Variants in SLC22A3 observed in about 807,000 individuals in gnomAD.
SLC22A3 encodes the protein EMT organic cation transporter 3.
In SLC22A3, 51 loss-of-function variants were observed where a neutral mutation model predicts 59.1. The observed-to-expected ratio is 0.86, with a 90% CI of 0.69 to 1.09. SLC22A3 has a LOEUF of 1.09. SLC22A3 is among the 50% of genes least tolerant of loss of function. The pLI is 0.00. For missense variants in SLC22A3, 711 were observed against 726.3 expected, an observed-to-expected ratio of 0.98 and a Z score of 0.24; for synonymous variants, 325 against 292.0, an observed-to-expected ratio of 1.11 and a Z score of -1.15.
At chr6:160,426,095 C>T in intron 5 of SLC22A3, 1 of 985,420 alleles carries the variant, frequency 1.0e-6, no homozygotes, top group Non-Finnish European at 1.2e-6. Context: ...CCCGCAAACT[C>T]CAAAACTCAT....
At chr6:160,407,466 A>G (rs1024583143) in intron 3 of SLC22A3, among the ~76,000 whole-genome samples, 1 of 152,192 alleles carries the variant, frequency 6.6e-6, no homozygotes, top group Non-Finnish European at 1.5e-5. Flanking sequence ...CTGTTATAAT[A>G]TGGTTTCTAG....
intron 5 of SLC22A3, among the ~76,000 whole-genome samples, chr6:160,422,803 T>C (rs1343692656): frequency 2.0e-5 from 3 of 152,194 alleles, no homozygotes; most frequent in Non-Finnish European, 4.4e-5. Context: ...CAGGAATCTT[T>C]TGTGTAACAG....
rs1053879010 is a variant in SLC22A3 at position 160,451,951 on chromosome 6, T to G, written c.*895T>G. On this transcript the variant is annotated 3_prime_UTR_variant, in exon 11 of 11. Coordinates refer to ENST00000275300, the MANE Select transcript of SLC22A3 (RefSeq NM_021977.4). Reference sequence around the variant, plus strand: ...AGTTCAGTTCCGATGGTGCCCGTGGTCAAAAGCGAAAAACATGGACAATTC... The same window carrying G: ...AGTTCAGTTCCGATGGTGCCCGTGGGCAAAAGCGAAAAACATGGACAATTC... The G allele has an allele frequency of 6.6e-6, 1 of 152,196 alleles. No homozygotes were observed. Among genetic ancestry groups the G allele is most frequent in the Non-Finnish European group, 1.5e-5 (1 of 68,024 alleles). 9.4% of individuals were successfully genotyped at this position (152,196 alleles called of 1,614,324 possible).
chr6:160,398,336 A>C (rs1182578064), intron 2 of SLC22A3, among the ~76,000 whole-genome samples: 3 of 152,184 alleles, frequency 2.0e-5, no homozygotes, highest in Admixed American at 6.6e-5. Context: ...CAGAATGAAA[A>C]CACAGACCTC....
intron 1 of SLC22A3, among the ~76,000 whole-genome samples, chr6:160,360,942 T>A (rs1310391403): frequency 6.6e-6 from 1 of 152,112 alleles, no homozygotes; most frequent in Non-Finnish European, 1.5e-5. Flanking sequence ...CAGAAGCAGG[T>A]AAATCATTCT....
At chr6:160,364,337 C>G (rs1785130095) in intron 1 of SLC22A3, among the ~76,000 whole-genome samples, 1 of 152,190 alleles carries the variant, frequency 6.6e-6, no homozygotes, top group Non-Finnish European at 1.5e-5. Flanking sequence ...ACGCTTTCTT[C>G]TTAACTAATT....
rs771670104 is a variant in SLC22A3 at position 160,443,680 on chromosome 6, T to C, written c.1448T>C (p.Ile483Thr). 18 of 1,613,948 alleles carry C rather than the reference T, an allele frequency of 1.1e-5. No homozygotes were observed. Among genetic ancestry groups the C allele is most frequent in the Admixed American group, 6.7e-5 (4 of 60,012 alleles). ...GGTCTGTGTGATTTTGGGGGAATCA[T>C]AGCCCCATTTCTGCTCTTTCGGCTA... ...CSGLCDFGGIIAPFLLFRLAA... is the reference protein window; with the variant it reads ...CSGLCDFGGITAPFLLFRLAA... Residue 483 changes from isoleucine (I) to threonine (T), a missense_variant, in exon 9 of 11, where the codon ATA becomes ACA. By Grantham distance (89) the Ile-to-Thr change is moderately conservative. Coordinates refer to ENST00000275300, the MANE Select transcript of SLC22A3 (RefSeq NM_021977.4).
chr6:160,444,505 C>G (rs557293217), intron 9 of SLC22A3, among the ~76,000 whole-genome samples: 26 of 152,262 alleles, frequency 1.7e-4, no homozygotes, highest in Non-Finnish European at 3.5e-4. Context: ...GGCACACATT[C>G]CATCACCTCC....
intron 1 of SLC22A3, among the ~76,000 whole-genome samples, chr6:160,357,179 C>T (rs1228153201): frequency 2.0e-5 from 3 of 152,190 alleles, no homozygotes; most frequent in African/African-American, 7.2e-5. Flanking sequence ...GGCACCTATT[C>T]TGCTTTCAAA....
chr6:160,443,822 CAAT>C, intron 9 of SLC22A3, 80 bp downstream of exon 9: 1 of 673,698 alleles, frequency 1.5e-6, no homozygotes, highest in Non-Finnish European at 2.4e-6. Flanking sequence ...TTGTTAGGTT[CAAT>C]AATGATAATG....
intron 1 of SLC22A3, among the ~76,000 whole-genome samples, chr6:160,395,925 C>CT (rs946631501): frequency 2.0e-5 from 3 of 152,188 alleles, no homozygotes; most frequent in African/African-American, 7.2e-5. Context: ...TTAATTTTCT[C>CT]TTCATGCTAG....
chr6:160,403,404 T>A (rs1453749426), intron 2 of SLC22A3, among the ~76,000 whole-genome samples: 2 of 151,856 alleles, frequency 1.3e-5, no homozygotes, highest in Non-Finnish European at 2.9e-5. Flanking sequence ...AATCAATAGT[T>A]AATTACTTTT....
chr6:160,449,713 A>G (rs1303439290), intron 10 of SLC22A3, among the ~76,000 whole-genome samples: 1 of 152,204 alleles, frequency 6.6e-6, no homozygotes, highest in Non-Finnish European at 1.5e-5. Context: ...CCAGCCCCCA[A>G]TATTTCAGCA....
Position 160,348,766 on chromosome 6 carries a change from C to A in SLC22A3, c.347C>A (p.Ala116Asp). 1 of 1,545,594 alleles carries A rather than the reference C, an allele frequency of 6.5e-7. No individual in the cohort carries two copies. ...SALSCADPLA[A>D]FPNRSAPLVP... ...CTCAGCTGCGCGGACCCACTCGCCG[C>A]CTTCCCCAACCGCTCGGCTCCCCTT... Residue 116 changes from alanine (A) to aspartate (D), a missense_variant, in exon 1 of 11, where the codon GCC becomes GAC. Transcript: ENST00000275300.
intron 3 of SLC22A3, among the ~76,000 whole-genome samples, chr6:160,407,644 A>G (rs912871627): frequency 1.8e-4 from 28 of 152,210 alleles, no homozygotes; most frequent in Admixed American, 1.8e-3. Flanking sequence ...ACTTTTTACT[A>G]TGGGAGAAAT....
intron 2 of SLC22A3, among the ~76,000 whole-genome samples, chr6:160,400,433 C>T (rs1298891160): frequency 6.6e-6 from 1 of 152,022 alleles, no homozygotes; most frequent in African/African-American, 2.4e-5. Context: ...TAGCCTTTCT[C>T]CCCTAGTTCA....
At chr6:160,437,729 A>G (rs1788398169) in intron 7 of SLC22A3, among the ~76,000 whole-genome samples, 1 of 152,244 alleles carries the variant, frequency 6.6e-6, no homozygotes, top group Non-Finnish European at 1.5e-5. Context: ...ATATAAAAAA[A>G]TAGATTGGGG....
chr6:160,386,985 G>A (rs557035256), intron 1 of SLC22A3, among the ~76,000 whole-genome samples: 2 of 152,298 alleles, frequency 1.3e-5, no homozygotes, highest in African/African-American at 4.8e-5. Context: ...AGCACTGCAG[G>A]AGGAGTCCTC....
chr6:160,351,595 TTC>T (rs903033752), intron 1 of SLC22A3, among the ~76,000 whole-genome samples: 1 of 152,254 alleles, frequency 6.6e-6, no homozygotes, highest in Non-Finnish European at 1.5e-5. Flanking sequence ...TTCTTTCAAA[TTC>T]TGTCTGATGA....
Sources: allele counts gnomAD v4.1 joint callset (sites outside exome capture counted in the v4.1 genomes callset), GRCh38; gene constraint gnomAD v4.1.1; transcripts MANE v1.5; gene names NCBI Gene and HGNC (gene_info 2026-07-23, HGNC 2026-07-21).